The following DMD variants were observed in gnomAD, a reference collection of about 807,000 sequenced individuals.
DMD encodes mutant dystrophin.
A neutral mutation model predicts 330.1 loss-of-function variants in DMD; 63 were observed. The ratio of observed to expected loss-of-function variants is 0.19; its 90% confidence interval spans 0.16 to 0.24. The LOEUF is 0.24. Among genes scored for constraint, DMD ranks in the 10% least tolerant of loss-of-function variants. The probability of loss-of-function intolerance (pLI) is 1.00; values close to 1 mark genes in which losing one functional copy is unlikely to be tolerated. For synonymous variants in DMD, 1,223 were observed against 959.8 expected (o/e 1.27, Z -5.07); for missense variants, 3,344 against 2,684.1 (o/e 1.25, Z -5.43).
intron 52 of DMD, among the ~76,000 whole-genome samples, chrX:31,715,222 G>A (rs186058400): frequency 1.1e-5 from 1 of 93,470 alleles, no homozygotes; most frequent in East Asian, 3.0e-4. Flanking sequence ...GGGGTTGGTG[G>A]GGGGGGAGCT....
intron 44 of DMD, among the ~76,000 whole-genome samples, chrX:31,980,894 C>T (rs1479792102): frequency 8.9e-6 from 1 of 111,851 alleles, no homozygotes; most frequent in Admixed American, 9.5e-5. Flanking sequence ...TTTAACTGCT[C>T]TCCTTACTTA....
At chrX:31,974,364 A>G (rs1256332345) in intron 44 of DMD, among the ~76,000 whole-genome samples, 1 of 111,267 alleles carries the variant, frequency 9.0e-6, no homozygotes, top group East Asian at 2.8e-4. Flanking sequence ...AAACCTCAGC[A>G]TCATGCGCTA....
At chrX:32,034,707 T>C (rs2095926359) in intron 44 of DMD, among the ~76,000 whole-genome samples, 2 of 111,638 alleles carry the variant, frequency 1.8e-5, no homozygotes, top group African/African-American at 6.5e-5. Context: ...ATGTAATGCA[T>C]TGAAATCAAC....
At chrX:31,184,456 A>G (rs2041520292) in intron 67 of DMD, among the ~76,000 whole-genome samples, 1 of 97,747 alleles carries the variant, frequency 1.0e-5, no homozygotes, top group Non-Finnish European at 2.0e-5. Context: ...TTAAAAAGTC[A>G]GGAAACAACA....
chrX:33,018,644 C>T (rs967452366), intron 2 of DMD, among the ~76,000 whole-genome samples: 30 of 111,749 alleles, frequency 2.7e-4, no homozygotes, highest in African/African-American at 9.4e-4. Context: ...AGTATTGTTA[C>T]ATTTACTATT....
At chrX:31,351,795 CA>C (rs2058442434) in intron 60 of DMD, among the ~76,000 whole-genome samples, 1 of 101,946 alleles carries the variant, frequency 9.8e-6, no homozygotes, top group African/African-American at 3.7e-5. Flanking sequence ...ACATACAATA[CA>C]AAAATGGCTA....
At chrX:33,114,167 TG>T (rs1323029322) in intron 1 of DMD, among the ~76,000 whole-genome samples, 4 of 107,276 alleles carry the variant, frequency 3.7e-5, no homozygotes, top group Non-Finnish European at 5.8e-5. Context: ...TGGAGTGCAG[TG>T]GCATGTTCTT....
At chrX:32,571,800 T>G (rs1328959824) in intron 15 of DMD, among the ~76,000 whole-genome samples, 2 of 111,628 alleles carry the variant, frequency 1.8e-5, no homozygotes, top group African/African-American at 6.5e-5. Flanking sequence ...AAATGAAATG[T>G]CTAGGAACCA....
chrX:32,518,997 CTTTTTTTTTTTTTTTTTTT>C (rs56678455), intron 17 of DMD, among the ~76,000 whole-genome samples: 2 of 42,078 alleles, frequency 4.8e-5, no homozygotes, highest in African/African-American at 1.9e-4. Flanking sequence ...ATTTTCAAAC[CTTTTTTTTTTTTTTTTTTT>C]TTTTTTTTGG....
chrX:32,513,738 A>G (rs1369356005), intron 18 of DMD, among the ~76,000 whole-genome samples: 1 of 111,908 alleles, frequency 8.9e-6, no homozygotes, highest in African/African-American at 3.3e-5. Context: ...TAAGAAAGAG[A>G]TGAGCTAAAG....
intron 44 of DMD, among the ~76,000 whole-genome samples, chrX:32,001,271 C>T (rs1355859312): frequency 9.0e-6 from 1 of 110,853 alleles, no homozygotes; most frequent in African/African-American, 3.3e-5. Flanking sequence ...GTAAATTATA[C>T]CTCAATAAAA....
At chrX:32,410,175 T>C (rs926135022) in intron 30 of DMD, among the ~76,000 whole-genome samples, 2 of 110,846 alleles carry the variant, frequency 1.8e-5, no homozygotes, top group African/African-American at 6.6e-5. Context: ...AAATTAAAAA[T>C]TGAATCCTCA....
chrX:31,354,097 T>C (rs2148531995), intron 60 of DMD, among the ~76,000 whole-genome samples: 1 of 111,726 alleles, frequency 9.0e-6, no homozygotes, highest in East Asian at 2.8e-4. Flanking sequence ...TGAGAACTCA[T>C]AATCTAGGTT....
intron 2 of DMD, among the ~76,000 whole-genome samples, chrX:32,868,090 G>A (rs1483491286): frequency 1.8e-5 from 2 of 111,162 alleles, no homozygotes; most frequent in Admixed American, 1.9e-4. Flanking sequence ...GAAAAGCAGG[G>A]TGGTGCCATG....
chrX:31,348,748 A>G (rs1159137083), intron 60 of DMD, 114 bp from the exon 61 acceptor site: 8 of 630,993 alleles, frequency 1.3e-5, no homozygotes, highest in Middle Eastern at 3.5e-4. Flanking sequence ...AGAACACTAA[A>G]GCAACATTTC....
At chrX:32,123,304 C>T (rs1482246082) in intron 44 of DMD, among the ~76,000 whole-genome samples, 1 of 95,522 alleles carries the variant, frequency 1.0e-5, no homozygotes, top group Non-Finnish European at 2.1e-5. Context: ...ACCTTTCTTC[C>T]CGTGGTTCTT....
chrX:31,361,764 T>C (rs890256605), intron 60 of DMD, among the ~76,000 whole-genome samples: 1 of 109,219 alleles, frequency 9.2e-6, no homozygotes, highest in Non-Finnish European at 1.9e-5. Flanking sequence ...ATCATTCTCT[T>C]ACCATCTTTT....
intron 1 of DMD, among the ~76,000 whole-genome samples, chrX:33,113,093 G>A (rs1197044074): frequency 7.3e-5 from 7 of 96,343 alleles, no homozygotes; most frequent in Non-Finnish European, 1.2e-4. Flanking sequence ...TGCTCTTGTC[G>A]CCCAGGCTGG....
rs754061479 is a variant in DMD, at chrX:33,208,051, A to C, written c.31+3231T>G. Among the ~76,000 whole-genome samples, 3 of 111,325 alleles carry C rather than the reference A, an allele frequency of 2.7e-5. No individual in the cohort carries two copies. In the Admixed American group the frequency reaches 2.9e-4, roughly 11 times the overall value. Reference sequence around the variant, plus strand: ...AATCAAAACCTGAATGTACTGTATAAAAATAAACCAAGGTCATCATTATTC... The same window carrying C: ...AATCAAAACCTGAATGTACTGTATACAAATAAACCAAGGTCATCATTATTC... On this transcript the variant is annotated intron_variant, in intron 1 of 78. Coordinates refer to ENST00000357033, the MANE Select transcript of DMD (RefSeq NM_004006.3).
Sources: allele counts gnomAD v4.1 joint callset (sites outside exome capture counted in the v4.1 genomes callset), GRCh38; gene constraint gnomAD v4.1.1; transcripts MANE v1.5; gene names NCBI Gene and HGNC (gene_info 2026-07-23, HGNC 2026-07-21).